SYNE2: variants seen among roughly 807,000 people sequenced by gnomAD.
SYNE2 encodes the protein nesprin-2.
Under a neutral mutation model 856.3 loss-of-function variants are expected in SYNE2, and 431 were observed. The observed-to-expected ratio is 0.50, with a 90% CI of 0.47 to 0.55. The LOEUF is 0.55. Ranked by LOEUF, SYNE2 falls within the 20% of genes least tolerant of loss-of-function variation. SYNE2 has a pLI of 0.00. For missense variants in SYNE2, 8,129 were observed against 8,023.2 expected, an observed-to-expected ratio of 1.01 and a Z score of -0.50; for synonymous variants, 2,923 against 2,872.3, an observed-to-expected ratio of 1.02 and a Z score of -0.56.
At chr14:64,087,404 C>A in intron 57 of SYNE2, 1 of 620,780 alleles carries the variant, frequency 1.6e-6, no homozygotes, top group Non-Finnish European at 3.1e-6. Context: ...ACTTCTCTCT[C>A]CCCTATTATT....
At chr14:63,991,440 C>A (rs1281474443) in intron 21 of SYNE2, among the ~76,000 whole-genome samples, 1 of 152,130 alleles carries the variant, frequency 6.6e-6, no homozygotes, top group Non-Finnish European at 1.5e-5. Flanking sequence ...CAGCCCTATC[C>A]AGCTGTCGGA....
chr14:64,219,254 TAAGCTCAAAATAAAACAA>T lies in SYNE2; in HGVS notation c.19707_19724del (p.Lys6569_Gln6574del). On this transcript the variant is annotated inframe_deletion, in exon 110 of 116. Transcript: ENST00000555002. Reference sequence around the variant, plus strand: ...TGATTCAAGCACAGGAGCTTCACAATAAGCTCAAAATAAAACAAAATTTGCAACAGCTGAACTCTGATA... The same window carrying T: ...TGATTCAAGCACAGGAGCTTCACAATAATTTGCAACAGCTGAACTCTGATA... The T allele has an allele frequency of 8.1e-6, 13 of 1,613,926 alleles. No homozygotes were observed. Among genetic ancestry groups the T allele is most frequent in the Non-Finnish European group, 1.0e-5 (12 of 1,179,994 alleles).
At chr14:63,940,200 T>C (rs1452744496) in intron 2 of SYNE2, among the ~76,000 whole-genome samples, 1 of 151,502 alleles carries the variant, frequency 6.6e-6, no homozygotes, top group Non-Finnish European at 1.5e-5. Flanking sequence ...CCCTCACAGG[T>C]TCATGCCACC....
At chr14:63,828,236 A>G (rs1475706806) in intron 1 of SYNE2, among the ~76,000 whole-genome samples, 1 of 151,984 alleles carries the variant, frequency 6.6e-6, no homozygotes, top group Non-Finnish European at 1.5e-5. Context: ...TAAAATAAAG[A>G]TAACATACAA....
Position 64,003,300 on chromosome 14 carries a change from A to G in SYNE2, c.4367A>G (p.Lys1456Arg), listed in dbSNP as rs373113826. 4.3e-6 allele frequency: 7 copies of G among 1,614,138 alleles called. No individual in the cohort carries two copies. The highest frequency in any genetic ancestry group is 4.2e-6 in the Non-Finnish European group (5 of 1,180,016). Residue 1456 changes from lysine to arginine, a missense_variant, in exon 30 of 116, where the codon AAG becomes AGG. Physicochemically the swap from Lys to Arg is conservative, Grantham distance 26. Transcript: ENST00000555002. ...AGTCAAATCAGTAAAATTGGTCTTA[A>G]GGATCCTACTGTTCCAGCTGTGAAA... Reference protein sequence around the residue: ...VQSQISKIGLKDPTVPAVKHR... With the variant: ...VQSQISKIGLRDPTVPAVKHR...
At chr14:64,184,055 C>A (rs1006146922) in intron 96 of SYNE2, among the ~76,000 whole-genome samples, 2 of 152,110 alleles carry the variant, frequency 1.3e-5, no homozygotes, top group African/African-American at 2.4e-5. Flanking sequence ...ACAAACTGAT[C>A]GTCAGCTCTA....
chr14:63,923,196 A>C (rs1256681066), intron 2 of SYNE2, among the ~76,000 whole-genome samples: 2 of 152,148 alleles, frequency 1.3e-5, no homozygotes, highest in Admixed American at 1.3e-4. Flanking sequence ...CAACTTCTAG[A>C]CTTTTATCAG....
chr14:64,161,112 G>A (rs888523124), intron 87 of SYNE2, among the ~76,000 whole-genome samples: 3 of 152,136 alleles, frequency 2.0e-5, no homozygotes, highest in Admixed American at 6.5e-5. Flanking sequence ...GGGAGGCCGA[G>A]GTGGGTAGAT....
At chr14:64,127,396 T>G (rs992149629) in intron 73 of SYNE2, among the ~76,000 whole-genome samples, 4 of 151,068 alleles carry the variant, frequency 2.6e-5, no homozygotes, top group African/African-American at 4.9e-5. Flanking sequence ...GCAACATAGA[T>G]CCCATCTCAA....
chr14:64,217,229 T>C (rs549551963), intron 108 of SYNE2, among the ~76,000 whole-genome samples: 1 of 152,218 alleles, frequency 6.6e-6, no homozygotes, highest in South Asian at 2.1e-4. Context: ...TTATTGTGTA[T>C]AAAGGTAAAA....
chr14:63,970,500 TC>T (rs1408408678), intron 11 of SYNE2, among the ~76,000 whole-genome samples: 1 of 151,980 alleles, frequency 6.6e-6, no homozygotes, highest in Non-Finnish European at 1.5e-5. Flanking sequence ...GCCTAGCCTA[TC>T]CCCTCTCTTT....
At chr14:64,163,641 C>G (rs17101700) in intron 89 of SYNE2, 60 bp downstream of exon 89, 1 of 1,594,542 alleles carries the variant, frequency 6.3e-7, no homozygotes, top group East Asian at 2.2e-5. Context: ...ATCCTCAATC[C>G]CTTGTATCCT....
At position 63,892,079 on chromosome 14, in the gene SYNE2, A is replaced by G. The variant is rs142583479; in HGVS notation, c.-51-17019A>G. Among the ~76,000 whole-genome samples the G allele has an allele frequency of 8.7e-4, 132 of 152,356 alleles. 1 individual carries two copies. The highest frequency in any genetic ancestry group is 3.4e-3 in the Middle Eastern group (1 of 294). ...GTTTGCTGCCAAACATTTCAAATTT[A>G]GAGATATTTCTTTTAAATATCTTGG... On this transcript the variant is annotated intron_variant, in intron 1 of 115. Coordinates refer to ENST00000555002, the MANE Select transcript of SYNE2 (RefSeq NM_182914.3).
chr14:63,969,169 C>A, intron 11 of SYNE2, among the ~76,000 whole-genome samples: 1 of 128,920 alleles, frequency 7.8e-6, no homozygotes, highest in Non-Finnish European at 1.6e-5. Context: ...GAATCTCATT[C>A]TTTTTTTTTT....
intron 48 of SYNE2, among the ~76,000 whole-genome samples, chr14:64,054,853 A>T (rs2097256636): frequency 6.6e-6 from 1 of 152,194 alleles, no homozygotes; most frequent in South Asian, 2.1e-4. Flanking sequence ...TAATTCAAAG[A>T]GTTATTATGA....
At chr14:64,088,992 G>A (rs1473320592) in intron 58 of SYNE2, among the ~76,000 whole-genome samples, 1 of 152,146 alleles carries the variant, frequency 6.6e-6, no homozygotes, top group African/African-American at 2.4e-5. Context: ...TAATGTCCAT[G>A]TAATTTAACT....
In SYNE2 at chr14:64,089,591, A is replaced by C; in HGVS notation, c.11688A>C (p.Glu3896Asp). The stretch of plus-strand genomic sequence containing the variant: ...AATTCTAGGATGTGGTTGCTATTGA[A>C]TCTGAAGTAAAATCAATGGAAAAAA... ...QRMADDVVAIESEVKSMEKRV... is the reference protein window; with the variant it reads ...QRMADDVVAIDSEVKSMEKRV... The change falls in exon 59 of 116, where the codon GAA becomes GAC. Residue 3896 changes from glutamate to aspartate, a missense_variant. By Grantham distance (45) the Glu-to-Asp change is conservative. Transcript: ENST00000555002. 1.2e-6 allele frequency: 2 copies of C among 1,610,016 alleles called. No homozygotes were observed. Among genetic ancestry groups the C allele is most frequent in the Non-Finnish European group, 1.7e-6 (2 of 1,177,122 alleles).
At chr14:64,128,591 G>T (rs1370354733) in intron 74 of SYNE2, 38 bp downstream of exon 74, 1 of 1,269,534 alleles carries the variant, frequency 7.9e-7, no homozygotes, top group Non-Finnish European at 1.2e-6. Flanking sequence ...ACTTAACTTT[G>T]AACCACAGAG....
intron 61 of SYNE2, 86 bp downstream of exon 61, chr14:64,093,566 G>T: frequency 6.7e-7 from 1 of 1,497,028 alleles, no homozygotes; most frequent in Non-Finnish European, 9.3e-7. Flanking sequence ...GTGTCTAGGA[G>T]CCTTTCTAGT....
Sources: gnomAD v4.1 joint callset for allele counts (sites outside exome capture counted in the v4.1 genomes callset) on GRCh38, gnomAD v4.1.1 for gene constraint, MANE v1.5 for transcripts, NCBI Gene and HGNC (gene_info 2026-07-23, HGNC 2026-07-21) for gene names.